Variants in MYT1 observed in about 807,000 individuals in gnomAD.
MYT1 encodes the protein myelin transcription factor 1.
In MYT1, 23 loss-of-function variants were observed where a neutral mutation model predicts 123.0. That is an observed-to-expected ratio of 0.19 (90% CI 0.13 to 0.26). The LOEUF is 0.26. Among genes scored for constraint, MYT1 ranks in the 10% least tolerant of loss-of-function variants. MYT1 has a pLI of 1.00. For synonymous variants in MYT1, 518 were observed against 575.3 expected (o/e 0.90, Z 1.43); for missense variants, 1,125 against 1,472.5 (o/e 0.76, Z 3.86).
At chr20:64,219,597 C>T (rs1325112427) in intron 12 of MYT1, 116 bp from the exon 13 acceptor site, 1 of 931,696 alleles carries the variant, frequency 1.1e-6, no homozygotes. Flanking sequence ...CCCCGTTGTC[C>T]TGCTTCCTTC....
rs557112974 is a variant in MYT1, at chr20:64,207,756, C to A, written c.560C>A (p.Ala187Glu). The A allele has an allele frequency of 4.3e-6, 7 of 1,613,872 alleles. No homozygotes were observed. The highest frequency in any genetic ancestry group is 5.1e-6 in the Non-Finnish European group (6 of 1,179,986). ...ETLVEEDLGQ[A>E]AKPGPGIVHL... ...CTGGTGGAAGAGGACTTGGGCCAGG[C>A]GGCCAAGCCAGGTCCTGGCATTGTG... Residue 187 changes from alanine (A) to glutamate (E), a missense_variant, in exon 7 of 23, where the codon GCG (alanine) becomes GAG (glutamate). Physicochemically the swap from Ala to Glu is moderately radical, Grantham distance 107 (BLOSUM62 -1). Transcript: ENST00000328439.
In MYT1 at chr20:64,168,030, A is replaced by G. The variant is rs1470606416; in HGVS notation, c.-99+3291A>G. ...CCAGGACAGCCCCACTGGGGAGCCC[A>G]CTGCCCAGCCCGGAGTGTCTGCTGG... On this transcript the variant is annotated intron_variant, in intron 1 of 22. Transcript: ENST00000328439. The surrounding 1 kb of genome is among the most constrained non-coding windows in gnomAD (Gnocchi z 6.1). 6.6e-6 allele frequency among the ~76,000 whole-genome samples: 1 copy of G among 152,154 alleles called. No individual in the cohort carries two copies. Among genetic ancestry groups the G allele is most frequent in the Admixed American group, 6.5e-5 (1 of 15,276 alleles).
In MYT1 at chr20:64,231,224, T is replaced by C. The variant is rs1984311496; in HGVS notation, c.2676-940T>C. Among the ~76,000 whole-genome samples, 1 of 152,166 alleles carries C rather than the reference T, an allele frequency of 6.6e-6. No homozygotes were observed. The highest frequency in any genetic ancestry group is 2.4e-5 in the African/African-American group (1 of 41,434). On this transcript the variant is annotated intron_variant, in intron 18 of 22. Coordinates refer to ENST00000328439, the MANE Select transcript of MYT1 (RefSeq NM_004535.3). The surrounding 1 kb of genome is among the most constrained non-coding windows in gnomAD (Gnocchi z 6.4). Reference sequence around the variant, plus strand: ...TGGATGAGTTTCATTTATGAAGAGATAAGAATGAGCCTTGCAGATTGAAGA... The same window carrying C: ...TGGATGAGTTTCATTTATGAAGAGACAAGAATGAGCCTTGCAGATTGAAGA...
In MYT1 at chr20:64,218,897, A is replaced by T. The variant is rs755401434; in HGVS notation, c.1847-14A>T. Reference sequence around the variant, plus strand: ...CCAGTAGTTATGTGAGGAGCACTTCATCCTCTTCTGCAGGCTTTGACTACT... The same window carrying T: ...CCAGTAGTTATGTGAGGAGCACTTCTTCCTCTTCTGCAGGCTTTGACTACT... On this transcript the variant is annotated splice_polypyrimidine_tract_variant and intron_variant, in intron 11 of 22. Transcript: ENST00000328439. This position sits in a 1 kb window ranked among gnomAD's most constrained non-coding sequence, Gnocchi z 4.0. 2.5e-6 allele frequency: 4 copies of T among 1,613,126 alleles called. No individual in the cohort carries two copies. Among genetic ancestry groups the T allele is most frequent in the Non-Finnish European group, 3.4e-6 (4 of 1,180,004 alleles).
chr20:64,224,283 A>G lies in MYT1; in HGVS notation c.2528+924A>G, dbSNP rs576685246. Among the ~76,000 whole-genome samples, 158 of 152,138 alleles carry G rather than the reference A, an allele frequency of 1.0e-3. 1 individual carries two copies. The highest frequency in any genetic ancestry group is 3.7e-3 in the African/African-American group (153 of 41,508). ...GGGGGCCCTGAATCCAGGTCAACAC[A>G]CCCTGGCTTATTCCATTCTGGGGCC... is the stretch of plus-strand genomic sequence containing the variant. On this transcript the variant is annotated intron_variant, in intron 16 of 22. Transcript: ENST00000328439.
intron 8 of MYT1, 116 bp downstream of exon 8, chr20:64,211,456 G>T: frequency 8.9e-7 from 1 of 1,124,418 alleles, no homozygotes; most frequent in Non-Finnish European, 1.2e-6. Context: ...TTCCCCTTTG[G>T]TTTGTCCAGA....
intron 2 of MYT1, among the ~76,000 whole-genome samples, chr20:64,198,286 CAAAAAAA>C (rs34822167): frequency 1.7e-4 from 4 of 23,818 alleles, no homozygotes; most frequent in African/African-American, 3.3e-4. Flanking sequence ...GACTCCGTCT[CAAAAAAA>C]AAAAAAAAAA....
rs777257280 is a variant in MYT1 at position 64,202,415 on chromosome 20, G to A, written c.86+2493G>A. On this transcript the variant is annotated intron_variant, in intron 4 of 22. Coordinates refer to ENST00000328439, the MANE Select transcript of MYT1 (RefSeq NM_004535.3). The surrounding 1 kb of genome is among the most constrained non-coding windows in gnomAD (Gnocchi z 5.0). ...GCCTCAGACTGGCTCTGCCAGAGGC[G>A]AAGACTAGGGAAGGTTAGGGTTGGG... 1.6e-4 allele frequency among the ~76,000 whole-genome samples: 25 copies of A among 152,196 alleles called. No individual in the cohort carries two copies. Among genetic ancestry groups the A allele is most frequent in the Admixed American group, 6.5e-4 (10 of 15,290 alleles).
At position 64,205,689 on chromosome 20, in the gene MYT1, G is replaced by A; in HGVS notation, c.286G>A (p.Asp96Asn). The A allele has an allele frequency of 1.2e-6, 2 of 1,614,230 alleles. No individual in the cohort carries two copies. The highest frequency in any genetic ancestry group is 1.7e-6 in the Non-Finnish European group (2 of 1,180,018). The change falls in exon 6 of 23, where the codon GAC (aspartate) becomes AAC (asparagine). Residue 96 changes from aspartate (D) to asparagine (N), a missense_variant. Asp to Asn is a conservative substitution (Grantham distance 23, BLOSUM62 1). Transcript: ENST00000328439. ...TGGTGTGGACAGCGACGGCAGTGAGGACACTGAGGTGAAGGACGCCTCTGT... is the reference window on the plus strand; with the variant it reads ...TGGTGTGGACAGCGACGGCAGTGAGAACACTGAGGTGAAGGACGCCTCTGT... ...GYGVDSDGSE[D>N]TEVKDASVSD...
At chr20:64,198,578 G>A (rs1212819266) in intron 2 of MYT1, among the ~76,000 whole-genome samples, 1 of 152,234 alleles carries the variant, frequency 6.6e-6, no homozygotes, top group African/African-American at 2.4e-5. Context: ...GTTGGCAGGT[G>A]CAAACCTGGG....
At position 64,196,580 on chromosome 20, in the gene MYT1, T is replaced by C. The variant is rs7265277; in HGVS notation, c.1-2282T>C. The stretch of plus-strand genomic sequence containing the variant: ...TCGTATTAAAGAGCCTGGTTTATTT[T>C]TTCTTCGGTAGTTCAGTTTTTTTCC... On this transcript the variant is annotated intron_variant, in intron 2 of 22. Transcript: ENST00000328439. The surrounding 1 kb of genome is among the most constrained non-coding windows in gnomAD (Gnocchi z 4.3). 0.16 allele frequency among the ~76,000 whole-genome samples: 24,128 copies of C among 152,270 alleles called. 2,326 individuals carry two copies. The highest frequency in any genetic ancestry group is 0.26 in the African/African-American group (10,824 of 41,510).
Position 64,218,696 on chromosome 20 carries a change from C to T in MYT1, c.1847-215C>T. 1.6e-6 allele frequency: 1 copy of T among 642,532 alleles called. No individual in the cohort carries two copies. 39.8% of individuals were successfully genotyped at this position (642,532 alleles called of 1,614,324 possible). A position where few individuals can be genotyped will look rare whatever the true frequency, so the allele number is the denominator to read the frequency against. ...CTTGGGACTGGGACGGGTGGCCAAG[C>T]CCCTGGCCCACTTCGATATAGCTGT... On this transcript the variant is annotated intron_variant, in intron 11 of 22. Coordinates refer to ENST00000328439, the MANE Select transcript of MYT1 (RefSeq NM_004535.3). The surrounding 1 kb of genome is among the most constrained non-coding windows in gnomAD (Gnocchi z 4.0).
chr20:64,219,149 G>A, intron 12 of MYT1, 114 bp downstream of exon 12: 2 of 1,361,348 alleles, frequency 1.5e-6, no homozygotes, highest in Non-Finnish European at 9.9e-7. Flanking sequence ...TGCCTAGCTG[G>A]CAATTCTCAT....
chr20:64,216,116 C>T (rs1397960791), intron 10 of MYT1, among the ~76,000 whole-genome samples: 1 of 152,202 alleles, frequency 6.6e-6, no homozygotes, highest in Non-Finnish European at 1.5e-5. Context: ...TCTTAGTCCA[C>T]ACTTAAGTTC....
chr20:64,189,227 G>C lies in MYT1; in HGVS notation c.-98-836G>C, dbSNP rs996020562. Among the ~76,000 whole-genome samples, 2 of 152,204 alleles carry C rather than the reference G, an allele frequency of 1.3e-5. No homozygotes were observed. Among genetic ancestry groups the C allele is most frequent in the Admixed American group, 6.5e-5 (1 of 15,284 alleles). ...AAACTCACTTCCAAGGCAAAGCCAG[G>C]GCCCAACACGAGAATATTCATTTCC... On this transcript the variant is annotated intron_variant, in intron 1 of 22. Transcript: ENST00000328439. This position sits in a 1 kb window ranked among gnomAD's most constrained non-coding sequence, Gnocchi z 5.5.
Position 64,195,580 on chromosome 20 carries a change from G to A in MYT1, c.1-3282G>A, listed in dbSNP as rs1007530730. ...CCAACTAATTTTTGTATTTTCAGTAGAGATGGGGTTTCACCCTGTTGGCCA... is the reference window on the plus strand; with the variant it reads ...CCAACTAATTTTTGTATTTTCAGTAAAGATGGGGTTTCACCCTGTTGGCCA... On this transcript the variant is annotated intron_variant, in intron 2 of 22. Transcript: ENST00000328439. Among the ~76,000 whole-genome samples, 3 of 151,944 alleles carry A rather than the reference G, an allele frequency of 2.0e-5. No individual in the cohort carries two copies. In the South Asian group the frequency reaches 6.3e-4, roughly 32 times the overall value.
rs567689604 is a variant in MYT1, at chr20:64,215,598, T to A, written c.1632-1469T>A. Among the ~76,000 whole-genome samples the A allele has an allele frequency of 2.6e-5, 4 of 152,042 alleles. No individual in the cohort carries two copies. In the South Asian group the frequency reaches 8.3e-4, roughly 32 times the overall value. ...TAAGCTTATTATTATTATTATTATT[T>A]TTAGTGACAGAGTGTCACTCTGTTG... On this transcript the variant is annotated intron_variant, in intron 10 of 22. Coordinates refer to ENST00000328439, the MANE Select transcript of MYT1 (RefSeq NM_004535.3).
intron 18 of MYT1, chr20:64,228,182 G>C (rs766211230): frequency 8.8e-5 from 51 of 578,684 alleles, no homozygotes; most frequent in Non-Finnish European, 1.3e-4. Flanking sequence ...TGGATGTCGC[G>C]TGGAGGGCAT....
At position 64,208,468 on chromosome 20, in the gene MYT1, G is replaced by A. The variant is rs1177747244; in HGVS notation, c.1272G>A (p.Arg424=). The A allele has an allele frequency of 1.2e-6, 2 of 1,607,326 alleles. No homozygotes were observed. Among genetic ancestry groups the A allele is most frequent in the East Asian group, 2.2e-5 (1 of 44,796 alleles). ...GKAAKPLDTV[R]KSYYSKDPSR... is the part of the protein sequence containing the mutation. ...CAGCAAAGCCCCTGGACACTGTGCG[G>A]AAGAGTTACTACAGTAAAGGTAGGG... Residue 424 remains arginine (R), a synonymous_variant, in exon 7 of 23, where the codon CGG becomes CGA. Coordinates refer to ENST00000328439, the MANE Select transcript of MYT1 (RefSeq NM_004535.3). The surrounding 1 kb of genome is among the most constrained non-coding windows in gnomAD (Gnocchi z 5.4).
Sources: gnomAD v4.1 joint callset for allele counts (sites outside exome capture counted in the v4.1 genomes callset) on GRCh38, gnomAD v4.1.1 for gene constraint, Gnocchi (gnomAD v3.1) non-coding constraint, MANE v1.5 for transcripts, NCBI Gene and HGNC (gene_info 2026-07-23, HGNC 2026-07-21) for gene names.